The following OSBPL6 variants were observed in gnomAD, a reference collection of about 807,000 sequenced individuals.
OSBPL6 encodes oxysterol-binding protein-related protein 6.
A neutral mutation model predicts 125.8 loss-of-function variants in OSBPL6; 49 were observed. The ratio of observed to expected loss-of-function variants is 0.39; its 90% CI spans 0.31 to 0.49. OSBPL6 has a LOEUF of 0.49. Ranked by LOEUF, OSBPL6 falls within the 20% of genes least tolerant of loss-of-function variation. The pLI, the probability that OSBPL6 is intolerant of heterozygous loss-of-function variation, is 0.88. For synonymous variants in OSBPL6, 394 were observed against 391.8 expected, an observed-to-expected ratio of 1.01 and a Z score of -0.07; for missense variants, 986 against 1,135.4, an observed-to-expected ratio of 0.87 and a Z score of 1.89.
At chr2:178,310,552 G>C (rs983023221) in intron 3 of OSBPL6, among the ~76,000 whole-genome samples, 3 of 151,508 alleles carry the variant, frequency 2.0e-5, no homozygotes, top group Non-Finnish European at 4.4e-5. Flanking sequence ...TGAGTAGCTG[G>C]GACTACAGGT....
Position 178,317,437 on chromosome 2 carries a change from CATATATATATATATATATAT to C in OSBPL6, c.103-6716_103-6697del, listed in dbSNP as rs6147046. The stretch of plus-strand genomic sequence containing the variant: ...TATGTCGCAGCAGAAACTTAGACAC[CATATATATATATATATATAT>C]ATATATATATATATATATATATAGA... On this transcript the variant is annotated intron_variant, in intron 3 of 24. Coordinates refer to ENST00000190611, the MANE Select transcript of OSBPL6 (RefSeq NM_032523.4). Among the ~76,000 whole-genome samples the C allele has an allele frequency of 1.8e-4, 19 of 106,944 alleles. 1 individual carries two copies. The highest frequency in any genetic ancestry group is 0.011 in the Middle Eastern group (2 of 190). The allele number at this position is 106,944 out of a possible 152,430, so 70.2% of individuals were successfully genotyped here.
At chr2:178,268,325 A>G (rs1022943486) in intron 1 of OSBPL6, among the ~76,000 whole-genome samples, 1 of 152,122 alleles carries the variant, frequency 6.6e-6, no homozygotes, top group Admixed American at 6.5e-5. Flanking sequence ...CAGGTGATCC[A>G]TCCGCCTCAG....
intron 1 of OSBPL6, among the ~76,000 whole-genome samples, chr2:178,280,100 A>G (rs1684005292): frequency 6.6e-6 from 1 of 152,168 alleles, no homozygotes; most frequent in African/African-American, 2.4e-5. Context: ...CGGGAGGCTG[A>G]GGCAGGATAA....
chr2:178,376,431 G>T (rs748427452), intron 15 of OSBPL6, among the ~76,000 whole-genome samples: 2 of 151,886 alleles, frequency 1.3e-5, no homozygotes, highest in Non-Finnish European at 2.9e-5. Context: ...AATACTCTCA[G>T]ATTTGTACAT....
At chr2:178,194,080 G>T (rs992084861), upstream of OSBPL6, among the ~76,000 whole-genome samples, 4 of 152,228 alleles carry the variant, frequency 2.6e-5, no homozygotes, top group Admixed American at 2.6e-4. Context: ...TGGGCCGAGC[G>T]CTGGAGCCGT....
chr2:178,372,149 A>G lies in OSBPL6; in HGVS notation c.1311A>G (p.Leu437=). ...AGGCACTCAACCAGAATGCTGAACT[A>G]AGGAGTCGGTTGAACAGAATACATT... ...LSQALNQNAE[L]RSRLNRIHSE... is the part of the protein sequence containing the mutation. The change falls in exon 14 of 25, where the codon CTA becomes CTG. Residue 437 remains leucine, a synonymous_variant. Coordinates refer to ENST00000190611, the MANE Select transcript of OSBPL6 (RefSeq NM_032523.4). 1.9e-6 allele frequency: 3 copies of G among 1,612,896 alleles called. No homozygotes were observed. Among genetic ancestry groups the G allele is most frequent in the Non-Finnish European group, 2.5e-6 (3 of 1,179,320 alleles).
At chr2:178,373,738 A>T in intron 14 of OSBPL6, 152 bp from the exon 15 acceptor site, 1 of 872,120 alleles carries the variant, frequency 1.1e-6, no homozygotes, top group Non-Finnish European at 1.7e-6. Flanking sequence ...GGAAACTTAT[A>T]CAGTGATCAT....
In OSBPL6 at chr2:178,318,418, G is replaced by T. The variant is rs1475698532; in HGVS notation, c.103-5759G>T. On this transcript the variant is annotated intron_variant, in intron 3 of 24. Coordinates refer to ENST00000190611, the MANE Select transcript of OSBPL6 (RefSeq NM_032523.4). Reference sequence around the variant, plus strand: ...TTCATTTTAAGGGTGCTTATATAGAGACCTACTGTTAATGCACTTCTGCAT... The same window carrying T: ...TTCATTTTAAGGGTGCTTATATAGATACCTACTGTTAATGCACTTCTGCAT... Among the ~76,000 whole-genome samples the T allele has an allele frequency of 3.9e-5, 6 of 152,310 alleles. No individual in the cohort carries two copies. In the South Asian group the frequency reaches 8.3e-4, roughly 21 times the overall value.
chr2:178,370,591 A>G (rs1384839048), intron 13 of OSBPL6, among the ~76,000 whole-genome samples: 1 of 152,226 alleles, frequency 6.6e-6, no homozygotes. Flanking sequence ...ATGAAAAGAT[A>G]CTAGGAGTCT....
intron 1 of OSBPL6, among the ~76,000 whole-genome samples, chr2:178,231,950 C>T (rs181491695): frequency 4.6e-5 from 7 of 152,200 alleles, no homozygotes; most frequent in South Asian, 2.1e-4. Context: ...AACTTAAACA[C>T]GGTTAATTCT....
At chr2:178,344,879 A>G (rs1690557734) in intron 11 of OSBPL6, among the ~76,000 whole-genome samples, 1 of 152,214 alleles carries the variant, frequency 6.6e-6, no homozygotes, top group Non-Finnish European at 1.5e-5. Flanking sequence ...ACACTTAGCA[A>G]GGGAAAATTG....
intron 1 of OSBPL6, among the ~76,000 whole-genome samples, chr2:178,265,965 G>A (rs895408994): frequency 6.6e-6 from 1 of 152,190 alleles, no homozygotes; most frequent in African/African-American, 2.4e-5. Flanking sequence ...GGTGCTATGA[G>A]ACTGCAAAGC....
chr2:178,386,677 C>T (rs892789643), intron 19 of OSBPL6, among the ~76,000 whole-genome samples: 1 of 151,814 alleles, frequency 6.6e-6, no homozygotes, highest in African/African-American at 2.4e-5. Context: ...GACATTAAAG[C>T]ACAGTAGAGT....
At chr2:178,224,366 T>G (rs901611400) in intron 1 of OSBPL6, among the ~76,000 whole-genome samples, 1 of 152,092 alleles carries the variant, frequency 6.6e-6, no homozygotes, top group Non-Finnish European at 1.5e-5. Flanking sequence ...AAAAAATCCA[T>G]GGCCAATAAA....
intron 12 of OSBPL6, among the ~76,000 whole-genome samples, chr2:178,356,219 T>C (rs1240617732): frequency 1.3e-5 from 2 of 152,224 alleles, no homozygotes; most frequent in Non-Finnish European, 2.9e-5. Context: ...TTCAACATAG[T>C]GTTGGAAGTT....
intron 2 of OSBPL6, among the ~76,000 whole-genome samples, chr2:178,302,658 A>T (rs1384176200): frequency 6.6e-6 from 1 of 152,332 alleles, no homozygotes; most frequent in East Asian, 1.9e-4. Flanking sequence ...GAATGAATTA[A>T]GTTCTCTTAC....
At chr2:178,290,424 G>GTTT (rs55767106) in intron 2 of OSBPL6, among the ~76,000 whole-genome samples, 1 of 128,830 alleles carries the variant, frequency 7.8e-6, no homozygotes. Flanking sequence ...AATTGTAGTG[G>GTTT]TTTTTTTTTT....
At chr2:178,229,603 G>A (rs1378377585) in intron 1 of OSBPL6, among the ~76,000 whole-genome samples, 1 of 152,190 alleles carries the variant, frequency 6.6e-6, no homozygotes, top group Non-Finnish European at 1.5e-5. Flanking sequence ...GCCAAGGCGA[G>A]TGGATCTTTT....
chr2:178,255,085 C>T (rs762404166), intron 1 of OSBPL6, among the ~76,000 whole-genome samples: 1 of 152,204 alleles, frequency 6.6e-6, no homozygotes, highest in African/African-American at 2.4e-5. Flanking sequence ...GGGCAGATCA[C>T]CTGAGGTCAG....
Sources: allele counts gnomAD v4.1 joint callset (sites outside exome capture counted in the v4.1 genomes callset), GRCh38; gene constraint gnomAD v4.1.1; transcripts MANE v1.5; gene names NCBI Gene and HGNC (gene_info 2026-07-23, HGNC 2026-07-21).